The following PDZK1 variants were observed in gnomAD, a reference collection of about 807,000 sequenced individuals.
PDZK1 encodes PDZ domain containing 1.
PDZK1 carries 23 observed loss-of-function variants against 38.1 expected under a neutral mutation model. That is an observed-to-expected ratio of 0.60 (90% CI 0.43 to 0.85). The LOEUF (loss-of-function observed/expected upper bound fraction) is 0.85. Among genes scored for constraint, PDZK1 ranks in the 40% least tolerant of loss-of-function variants. PDZK1 has a pLI of 0.00. For missense variants in PDZK1, 297 were observed against 504.3 expected (o/e 0.59, Z 3.94); for synonymous variants, 98 against 186.2 (o/e 0.53, Z 3.86).
In PDZK1 at chr1:145,676,237, A is replaced by G. The variant is rs1239705959; in HGVS notation, c.990+2212T>C. On this transcript the variant is annotated intron_variant, in intron 6 of 8. Coordinates refer to ENST00000417171, the MANE Select transcript of PDZK1 (RefSeq NM_001201325.2). ...CTCTATTAACCAAAACAGAAAAATT[A>G]CAATTAAATCATTCTATGATAAGAT... is the stretch of plus-strand genomic sequence containing the variant. The G allele has an allele frequency of 8.2e-6, 7 of 850,298 alleles. No homozygotes were observed. The African/African-American group carries it at 1.1e-4, about 13-fold the overall frequency. 52.7% of individuals were successfully genotyped at this position (850,298 alleles called of 1,614,324 possible).
At chr1:145,695,336 C>T (rs1655567555) in intron 1 of PDZK1, among the ~76,000 whole-genome samples, 1 of 152,028 alleles carries the variant, frequency 6.6e-6, no homozygotes, top group Admixed American at 6.6e-5. Flanking sequence ...GCAGGAGAAT[C>T]ACTTCAACCC....
chr1:145,691,394 ACT>A (rs1176644888), intron 1 of PDZK1, among the ~76,000 whole-genome samples: 1 of 151,932 alleles, frequency 6.6e-6, no homozygotes, highest in African/African-American at 2.4e-5. Flanking sequence ...CTTTCGCAAG[ACT>A]CTGTCATTGC....
At chr1:145,684,417 C>G (rs1654567231) in intron 3 of PDZK1, among the ~76,000 whole-genome samples, 1 of 151,896 alleles carries the variant, frequency 6.6e-6, no homozygotes, top group Non-Finnish European at 1.5e-5. Context: ...ACCGTGTTAG[C>G]CAGGATGGTC....
chr1:145,695,372 A>G (rs1488713386), intron 1 of PDZK1, among the ~76,000 whole-genome samples: 1 of 152,048 alleles, frequency 6.6e-6, no homozygotes, highest in African/African-American at 2.4e-5. Context: ...CAGTGAGCCG[A>G]GACAGTGCAC....
At chr1:145,671,524 A>G (rs1553697847) in intron 8 of PDZK1, 35 bp from the exon 9 acceptor site, 14 of 1,353,450 alleles carry the variant, frequency 1.0e-5, no homozygotes, top group Non-Finnish European at 1.5e-5. Context: ...TACAAATGGT[A>G]GAGTAATGAA....
intron 6 of PDZK1, among the ~76,000 whole-genome samples, chr1:145,675,245 T>C (rs1183285533): frequency 1.4e-5 from 2 of 148,086 alleles, no homozygotes; most frequent in African/African-American, 5.2e-5. Context: ...CTGGCTGTTT[T>C]AGTTGAGACA....
intron 6 of PDZK1, among the ~76,000 whole-genome samples, chr1:145,675,508 C>T (rs1653560578): frequency 7.0e-6 from 1 of 141,864 alleles, no homozygotes; most frequent in South Asian, 2.4e-4. Context: ...ACCACCAGCA[C>T]AGAACCTCCT....
At chr1:145,679,122 A>G (rs1399727100) in intron 5 of PDZK1, among the ~76,000 whole-genome samples, 2 of 151,526 alleles carry the variant, frequency 1.3e-5, no homozygotes, top group African/African-American at 2.4e-5. Context: ...TTGTATATAC[A>G]TGCCTCCATG....
intron 3 of PDZK1, among the ~76,000 whole-genome samples, chr1:145,684,499 C>T (rs587670105): frequency 3.3e-5 from 5 of 151,970 alleles, no homozygotes; most frequent in African/African-American, 9.6e-5. Context: ...TGAGCCACTG[C>T]GCCCGGCCTG....
chr1:145,702,689 C>G (rs1020386722), intron 1 of PDZK1, among the ~76,000 whole-genome samples: 1 of 152,094 alleles, frequency 6.6e-6, no homozygotes, highest in African/African-American at 2.4e-5. Context: ...GTCAGGAGAT[C>G]GAGACCATCC....
chr1:145,688,726 C>T (rs1297802175), intron 1 of PDZK1, among the ~76,000 whole-genome samples: 4 of 152,018 alleles, frequency 2.6e-5, no homozygotes, highest in Non-Finnish European at 4.4e-5. Flanking sequence ...TTTGGGAGGC[C>T]GAGGCGGGCA....
intron 8 of PDZK1, among the ~76,000 whole-genome samples, chr1:145,672,264 C>G (rs2101861603): frequency 6.6e-6 from 1 of 152,066 alleles, no homozygotes; most frequent in Non-Finnish European, 1.5e-5. Context: ...TACATGCTCA[C>G]TATGAGCCAG....
At chr1:145,683,186 C>G (rs1654430085) in intron 3 of PDZK1, among the ~76,000 whole-genome samples, 1 of 152,208 alleles carries the variant, frequency 6.6e-6, no homozygotes. Flanking sequence ...CTAACTCGGC[C>G]TTTGGCTTCT....
At chr1:145,706,472 C>A (rs1656254199) in intron 1 of PDZK1, among the ~76,000 whole-genome samples, 1 of 152,150 alleles carries the variant, frequency 6.6e-6, no homozygotes, top group African/African-American at 2.4e-5. Context: ...GAAAGCTGCC[C>A]TGGTGACACA....
Position 145,671,409 on chromosome 1 carries a change from A to G in PDZK1, c.*27T>C. 6.2e-7 allele frequency: 1 copy of G among 1,602,452 alleles called. No individual in the cohort carries two copies. The highest frequency in any genetic ancestry group is 8.5e-7 in the Non-Finnish European group (1 of 1,173,914). ...AATACCCAGAAACAGCTATCAAATA[A>G]ACAGCCAAAGCTATTACTTGTTTTC... On this transcript the variant is annotated 3_prime_UTR_variant, in exon 9 of 9. Coordinates refer to ENST00000417171, the MANE Select transcript of PDZK1 (RefSeq NM_001201325.2).
intron 1 of PDZK1, among the ~76,000 whole-genome samples, chr1:145,702,500 G>A (rs1656016332): frequency 6.6e-6 from 1 of 151,382 alleles, no homozygotes; most frequent in Non-Finnish European, 1.5e-5. Context: ...TTTTTTTTTG[G>A]TATGTTTAAA....
At chr1:145,698,207 C>T (rs1199040377) in intron 1 of PDZK1, among the ~76,000 whole-genome samples, 2 of 152,088 alleles carry the variant, frequency 1.3e-5, no homozygotes, top group African/African-American at 4.8e-5. Flanking sequence ...GCGAAGGTGG[C>T]CGAGAGGGGA....
At chr1:145,707,094 CT>C (rs1321857450) in intron 1 of PDZK1, among the ~76,000 whole-genome samples, 4 of 152,054 alleles carry the variant, frequency 2.6e-5, no homozygotes, top group Non-Finnish European at 4.4e-5. Flanking sequence ...AGACCCTAGC[CT>C]ACAAAGGTGA....
At chr1:145,706,460 C>G (rs56131175) in intron 1 of PDZK1, among the ~76,000 whole-genome samples, 4 of 152,148 alleles carry the variant, frequency 2.6e-5, no homozygotes, top group African/African-American at 7.2e-5. Flanking sequence ...AGATACAAGA[C>G]TGAAAGCTGC....
Sources: gnomAD v4.1 joint callset for allele counts (sites outside exome capture counted in the v4.1 genomes callset) on GRCh38, gnomAD v4.1.1 for gene constraint, MANE v1.5 for transcripts, NCBI Gene and HGNC (gene_info 2026-07-23, HGNC 2026-07-21) for gene names.